GRIK2: variants seen among roughly 807,000 people sequenced by gnomAD.
GRIK2 encodes the protein glutamate ionotropic receptor kainate type subunit 2.
In GRIK2, 32 loss-of-function variants were observed where a neutral mutation model predicts 100.3. The ratio of observed to expected loss-of-function variants is 0.32; its 90% confidence interval spans 0.24 to 0.43. The LOEUF (loss-of-function observed/expected upper bound fraction) is 0.43. Among genes scored for constraint, GRIK2 ranks in the 20% least tolerant of loss-of-function variants. The pLI, the probability that GRIK2 is intolerant of heterozygous loss-of-function variation, is 1.00. For synonymous variants in GRIK2, 417 were observed against 389.4 expected (o/e 1.07, Z -0.83); for missense variants, 843 against 1,114.9 (o/e 0.76, Z 3.47).
intron 7 of GRIK2, among the ~76,000 whole-genome samples, chr6:101,715,019 C>T (rs1303124563): frequency 2.6e-5 from 4 of 151,188 alleles, no homozygotes; most frequent in East Asian, 3.9e-4. Context: ...CATATACAAA[C>T]GTTTTACAAT....
At chr6:101,941,573 A>G (rs1018547530) in intron 14 of GRIK2, among the ~76,000 whole-genome samples, 30 of 152,132 alleles carry the variant, frequency 2.0e-4, no homozygotes, top group African/African-American at 6.5e-4. Context: ...ACATTTAAAA[A>G]TATGTTTTGA....
intron 14 of GRIK2, among the ~76,000 whole-genome samples, chr6:101,946,453 C>T (rs1005292330): frequency 6.6e-5 from 10 of 151,692 alleles, no homozygotes; most frequent in African/African-American, 2.4e-4. Context: ...ATCATTTAAG[C>T]CTGGGAGGTT....
At chr6:101,577,757 T>G (rs1457916500) in intron 2 of GRIK2, among the ~76,000 whole-genome samples, 2 of 152,178 alleles carry the variant, frequency 1.3e-5, no homozygotes, top group African/African-American at 4.8e-5. Flanking sequence ...GGTCTCTCCT[T>G]ACATTGCGTG....
At chr6:101,674,555 A>G (rs897967320) in intron 4 of GRIK2, among the ~76,000 whole-genome samples, 2 of 152,170 alleles carry the variant, frequency 1.3e-5, no homozygotes, top group East Asian at 1.9e-4. Flanking sequence ...TCTAGCAGGT[A>G]TTACAAGTTC....
chr6:101,727,526 C>A (rs1774955391), intron 7 of GRIK2, among the ~76,000 whole-genome samples: 1 of 152,156 alleles, frequency 6.6e-6, no homozygotes, highest in Non-Finnish European at 1.5e-5. Context: ...GCTGGCATTG[C>A]TCACCAGACA....
chr6:101,854,958 A>G (rs376061694), intron 10 of GRIK2, among the ~76,000 whole-genome samples: 5 of 152,330 alleles, frequency 3.3e-5, no homozygotes, highest in Admixed American at 1.3e-4. Context: ...TTCTCTTTAG[A>G]TAGAACCAAA....
At chr6:101,982,457 A>G (rs984923686) in intron 14 of GRIK2, among the ~76,000 whole-genome samples, 1 of 151,870 alleles carries the variant, frequency 6.6e-6, no homozygotes, top group Non-Finnish European at 1.5e-5. Context: ...CTGAGCAGCC[A>G]TTTAAGAAGC....
At chr6:101,451,608 C>T (rs1770685748) in intron 2 of GRIK2, among the ~76,000 whole-genome samples, 1 of 148,130 alleles carries the variant, frequency 6.8e-6, no homozygotes, top group African/African-American at 2.5e-5. Context: ...AAGGTAAAAT[C>T]TGGATTTGCA....
intron 11 of GRIK2, among the ~76,000 whole-genome samples, chr6:101,888,279 A>C (rs755707741): frequency 1.9e-4 from 29 of 152,150 alleles, no homozygotes; most frequent in Non-Finnish European, 3.7e-4. Context: ...AACTCTATGA[A>C]AATGAACAAG....
At chr6:101,581,225 C>G (rs910798280) in intron 2 of GRIK2, among the ~76,000 whole-genome samples, 28 of 126,976 alleles carry the variant, frequency 2.2e-4, no homozygotes, top group African/African-American at 9.7e-4. Context: ...CATTCACACA[C>G]ACTCACACAC....
intron 15 of GRIK2, among the ~76,000 whole-genome samples, chr6:102,037,179 A>G (rs1336880602): frequency 2.6e-5 from 4 of 151,380 alleles, no homozygotes; most frequent in African/African-American, 9.7e-5. Context: ...GAGTCATAAT[A>G]AAGAATAATT....
chr6:102,011,889 A>G (rs1795563303), intron 14 of GRIK2, among the ~76,000 whole-genome samples: 2 of 152,062 alleles, frequency 1.3e-5, no homozygotes, highest in Admixed American at 1.3e-4. Context: ...GCCAGGCCCA[A>G]GTTATTTCTT....
Position 101,555,107 on chromosome 6 carries a change from C to A in GRIK2, c.116-66842C>A, listed in dbSNP as rs538578093. ...CTGTTCAGACTCCTTTTACCATTAA[C>A]AAAGTAGTTTTTAGGTTTCCTTCTC... On this transcript the variant is annotated intron_variant, in intron 2 of 16. Coordinates refer to ENST00000369134, the MANE Select transcript of GRIK2 (RefSeq NM_021956.5). Among the ~76,000 whole-genome samples, 584 of 152,268 alleles carry A rather than the reference C, an allele frequency of 3.8e-3. 2 individuals carry two copies. The highest frequency in any genetic ancestry group is 6.5e-3 in the Non-Finnish European group (441 of 68,010).
intron 14 of GRIK2, among the ~76,000 whole-genome samples, chr6:101,990,424 A>G (rs2128492025): frequency 1.3e-5 from 2 of 151,776 alleles, no homozygotes; most frequent in Middle Eastern, 6.8e-3. Flanking sequence ...TCTATGTACT[A>G]TATCTCTGTT....
intron 11 of GRIK2, among the ~76,000 whole-genome samples, chr6:101,867,802 C>T (rs1470268487): frequency 6.7e-6 from 1 of 150,064 alleles, no homozygotes; most frequent in Non-Finnish European, 1.5e-5. Flanking sequence ...GTGATGTATT[C>T]TGAGAATACT....
At chr6:101,873,940 GTTGT>G (rs1562455513) in intron 11 of GRIK2, among the ~76,000 whole-genome samples, 1 of 152,062 alleles carries the variant, frequency 6.6e-6, no homozygotes, top group African/African-American at 2.4e-5. Flanking sequence ...TGTTGATGGG[GTTGT>G]TTGTTTTTTT....
intron 2 of GRIK2, among the ~76,000 whole-genome samples, chr6:101,437,530 T>C (rs1258765152): frequency 2.0e-5 from 3 of 152,156 alleles, no homozygotes; most frequent in Non-Finnish European, 4.4e-5. Context: ...TTCTTCATTA[T>C]TATGCTTTTA....
At chr6:101,683,694 T>G (rs1280293577) in intron 6 of GRIK2, among the ~76,000 whole-genome samples, 1 of 152,254 alleles carries the variant, frequency 6.6e-6, no homozygotes, top group African/African-American at 2.4e-5. Context: ...GAATGAGGTC[T>G]AAATGTTCTA....
chr6:101,586,716 A>AT (rs904786348), intron 2 of GRIK2, among the ~76,000 whole-genome samples: 16 of 137,260 alleles, frequency 1.2e-4, no homozygotes, highest in East Asian at 4.0e-4. Context: ...TAAAAATAAA[A>AT]TTAAAAAAAA....
Sources: allele counts gnomAD v4.1 joint callset (sites outside exome capture counted in the v4.1 genomes callset), GRCh38; gene constraint gnomAD v4.1.1; transcripts MANE v1.5; gene names NCBI Gene and HGNC (gene_info 2026-07-23, HGNC 2026-07-21).